Variants in GRM7 observed in about 807,000 individuals in gnomAD.
The protein encoded by GRM7 is glutamate metabotropic receptor 7.
A neutral mutation model predicts 84.5 loss-of-function variants in GRM7; 35 were observed. That is an observed-to-expected ratio of 0.41 (90% confidence interval 0.32 to 0.55). The LOEUF is 0.55. Ranked by LOEUF, GRM7 falls within the 20% of genes least tolerant of loss-of-function variation. The pLI, the probability that GRM7 is intolerant of heterozygous loss-of-function variation, is 0.19. For missense variants in GRM7, 1,003 were observed against 1,194.6 expected, an observed-to-expected ratio of 0.84 and a Z score of 2.36; for synonymous variants, 487 against 455.1, an observed-to-expected ratio of 1.07 and a Z score of -0.89.
At position 7,146,329 on chromosome 3, in the gene GRM7, T is replaced by A. The variant is rs1694109383; in HGVS notation, c.520-123T>A. The A allele has an allele frequency of 6.8e-6, 5 of 740,440 alleles. No individual in the cohort carries two copies. The South Asian group carries it at 8.1e-5, about 12-fold the overall frequency. 45.9% of individuals were successfully genotyped at this position (740,440 alleles called of 1,614,324 possible). ...GTGGTCTAAAATTACATGGTGGTGT[T>A]TGGCAAAACATGTATCTCCTTTGCA... is the stretch of plus-strand genomic sequence containing the variant. On this transcript the variant is annotated intron_variant, in intron 1 of 9. Coordinates refer to ENST00000357716, the MANE Select transcript of GRM7 (RefSeq NM_000844.4).
chr3:6,946,701 G>A lies in GRM7; in HGVS notation c.519+84794G>A, dbSNP rs554741903. 4.1e-3 allele frequency among the ~76,000 whole-genome samples: 623 copies of A among 152,266 alleles called. 7 individuals are homozygous for A. The highest frequency in any genetic ancestry group is 2.0e-3 in the Non-Finnish European group (136 of 68,026). ...TTCTTCCTACCCATGAGCATGGAAT[G>A]TTCTTCCATTTGTTTATATCCTCTT... is the stretch of plus-strand genomic sequence containing the variant. On this transcript the variant is annotated intron_variant, in intron 1 of 9. Transcript: ENST00000357716.
intron 8 of GRM7, among the ~76,000 whole-genome samples, chr3:7,666,544 T>G (rs1699709864): frequency 6.6e-6 from 1 of 152,164 alleles, no homozygotes; most frequent in South Asian, 2.1e-4. Flanking sequence ...CCAGTTGAGA[T>G]GCTACCATGG....
At chr3:6,891,457 G>A (rs911772568) in intron 1 of GRM7, among the ~76,000 whole-genome samples, 2 of 152,140 alleles carry the variant, frequency 1.3e-5, no homozygotes, top group Non-Finnish European at 2.9e-5. Flanking sequence ...GCATTTGCTT[G>A]TCTGTAAAGT....
chr3:7,273,642 CT>C lies in GRM7; in HGVS notation c.737-25038del, dbSNP rs1211266282. 7.3e-4 allele frequency among the ~76,000 whole-genome samples: 111 copies of C among 152,076 alleles called. 1 individual carries two copies. The highest frequency in any genetic ancestry group is 2.5e-3 in the African/African-American group (103 of 41,528). ...TTGATAACTTTCCTTGCTCTGAAGT[CT>C]TTTCTGTCTTGAGATTAATATAGCT... On this transcript the variant is annotated intron_variant, in intron 2 of 9. Coordinates refer to ENST00000357716, the MANE Select transcript of GRM7 (RefSeq NM_000844.4).
chr3:7,708,915 T>C (rs1413366787), intron 9 of GRM7, among the ~76,000 whole-genome samples: 1 of 151,650 alleles, frequency 6.6e-6, no homozygotes, highest in African/African-American at 2.4e-5. Flanking sequence ...ATATATAATT[T>C]AAAAATTGTG....
chr3:7,284,612 A>G (rs1435244036), intron 2 of GRM7, among the ~76,000 whole-genome samples: 6 of 152,064 alleles, frequency 3.9e-5, no homozygotes, highest in African/African-American at 1.2e-4. Context: ...AGCCATGACT[A>G]TTGTTATATT....
chr3:7,692,931 T>TCTAA (rs202129262), intron 9 of GRM7, among the ~76,000 whole-genome samples: 1,806 of 152,052 alleles, frequency 0.012, 38 homozygotes, highest in African/African-American at 0.042. Flanking sequence ...GGAAACATAA[T>TCTAA]CTAACTTCAG....
intron 4 of GRM7, among the ~76,000 whole-genome samples, chr3:7,347,029 A>T (rs945563186): frequency 6.6e-6 from 1 of 152,170 alleles, no homozygotes; most frequent in Non-Finnish European, 1.5e-5. Flanking sequence ...AAAACACTGT[A>T]TTAGATATAA....
intron 4 of GRM7, among the ~76,000 whole-genome samples, chr3:7,368,517 T>G (rs1694003612): frequency 1.3e-5 from 2 of 152,142 alleles, no homozygotes; most frequent in South Asian, 2.1e-4. Context: ...AAAATGTAAT[T>G]CATGCCTTGG....
chr3:7,608,862 T>C (rs1696716904), intron 8 of GRM7, among the ~76,000 whole-genome samples: 1 of 152,192 alleles, frequency 6.6e-6, no homozygotes, highest in African/African-American at 2.4e-5. Context: ...TACATTTAAG[T>C]CATTAATCTA....
chr3:7,310,727 C>T (rs1035199995), intron 4 of GRM7, among the ~76,000 whole-genome samples: 2 of 152,164 alleles, frequency 1.3e-5, no homozygotes, highest in South Asian at 2.1e-4. Context: ...ACCCAGACTA[C>T]TTGAAAAAAT....
intron 2 of GRM7, among the ~76,000 whole-genome samples, chr3:7,216,887 A>G (rs909445550): frequency 1.3e-5 from 2 of 151,886 alleles, no homozygotes; most frequent in Non-Finnish European, 2.9e-5. Context: ...GTTTGAGTGT[A>G]TTTGTGTAAA....
chr3:7,393,255 C>T (rs1285843899), intron 4 of GRM7, among the ~76,000 whole-genome samples: 1 of 152,166 alleles, frequency 6.6e-6, no homozygotes, highest in Non-Finnish European at 1.5e-5. Flanking sequence ...CTCAAAATGG[C>T]TCCCAGCTGA....
chr3:7,294,054 C>G (rs1699729778), intron 2 of GRM7, among the ~76,000 whole-genome samples: 3 of 152,222 alleles, frequency 2.0e-5, no homozygotes, highest in African/African-American at 2.4e-5. Context: ...TAGCCAATCT[C>G]TCTCTTCTGT....
At chr3:6,969,392 C>A (rs534130922) in intron 1 of GRM7, among the ~76,000 whole-genome samples, 77 of 152,136 alleles carry the variant, frequency 5.1e-4, no homozygotes, top group Non-Finnish European at 7.8e-4. Flanking sequence ...AATGAAGACA[C>A]TAACTACTCA....
At chr3:7,031,438 A>T (rs1696178769) in intron 1 of GRM7, among the ~76,000 whole-genome samples, 1 of 147,956 alleles carries the variant, frequency 6.8e-6, no homozygotes, top group Non-Finnish European at 1.5e-5. Flanking sequence ...TTATTTTGAG[A>T]TGGAGTCTTG....
At chr3:7,453,786 A>T (rs1206853018) in intron 6 of GRM7, among the ~76,000 whole-genome samples, 1 of 152,158 alleles carries the variant, frequency 6.6e-6, no homozygotes, top group Non-Finnish European at 1.5e-5. Flanking sequence ...CACAAAGGGT[A>T]TAATCTAATA....
chr3:6,972,988 CAA>C (rs1268955106), intron 1 of GRM7, among the ~76,000 whole-genome samples: 3 of 152,242 alleles, frequency 2.0e-5, no homozygotes, highest in South Asian at 2.1e-4. Context: ...GAATTAGAGT[CAA>C]ATAATATGAG....
intron 4 of GRM7, among the ~76,000 whole-genome samples, chr3:7,407,593 T>C (rs1435516715): frequency 6.6e-6 from 1 of 150,890 alleles, no homozygotes; most frequent in Admixed American, 6.6e-5. Flanking sequence ...GGTATCCTAC[T>C]ATCCTTAATT....
Sources: allele counts gnomAD v4.1 joint callset (sites outside exome capture counted in the v4.1 genomes callset), GRCh38; gene constraint gnomAD v4.1.1; transcripts MANE v1.5; gene names NCBI Gene and HGNC (gene_info 2026-07-23, HGNC 2026-07-21).